Variants in HCK observed in about 807,000 individuals in gnomAD.
HCK encodes the protein HCK proto-oncogene, Src family tyrosine kinase, also known as tyrosine-protein kinase HCK.
Under a neutral mutation model 70.4 loss-of-function variants are expected in HCK, and 40 were observed. The ratio of observed to expected loss-of-function variants is 0.57; its 90% CI spans 0.44 to 0.74. The LOEUF is 0.74. Ranked by LOEUF, HCK falls within the 30% of genes least tolerant of loss-of-function variation. The probability of loss-of-function intolerance (pLI) is 0.00; values close to 1 mark genes in which losing one functional copy is unlikely to be tolerated. For missense variants in HCK, 568 were observed against 697.2 expected, an observed-to-expected ratio of 0.81 and a Z score of 2.09; for synonymous variants, 245 against 263.2, an observed-to-expected ratio of 0.93 and a Z score of 0.67.
chr20:32,092,293 T>C (rs1020602862), intron 10 of HCK, among the ~76,000 whole-genome samples: 3 of 152,174 alleles, frequency 2.0e-5, no homozygotes, highest in Non-Finnish European at 2.9e-5. Flanking sequence ...TTCCTGGTGG[T>C]GTGATCTGGA....
chr20:32,062,920 G>C (rs970860220), intron 1 of HCK, among the ~76,000 whole-genome samples: 1 of 152,170 alleles, frequency 6.6e-6, no homozygotes, highest in African/African-American at 2.4e-5. Flanking sequence ...TCTGAGAAGG[G>C]AAAGTTCCTG....
At position 32,088,543 on chromosome 20, in the gene HCK, T is replaced by C. The variant is rs554987957; in HGVS notation, c.1016-25T>C. 8 of 1,586,420 alleles carry C rather than the reference T, an allele frequency of 5.0e-6. No individual in the cohort carries two copies. The East Asian group carries it at 1.3e-4, about 27-fold the overall frequency. ...GCCATTAAATAGTAAAAGTAGTAAATGTTCCTCCCCTCTCCCCCATATAGG... is the reference window on the plus strand; with the variant it reads ...GCCATTAAATAGTAAAAGTAGTAAACGTTCCTCCCCTCTCCCCCATATAGG... On this transcript the variant is annotated intron_variant, in intron 9 of 12. Coordinates refer to ENST00000375852, the MANE Select transcript of HCK (RefSeq NM_002110.5).
At chr20:32,100,533 T>C (rs1338035202) in intron 12 of HCK, among the ~76,000 whole-genome samples, 1 of 152,196 alleles carries the variant, frequency 6.6e-6, no homozygotes, top group East Asian at 1.9e-4. Context: ...GGTCTAGGGA[T>C]AGAAATTGGA....
chr20:32,087,653 T>A (rs1474580654), intron 9 of HCK, among the ~76,000 whole-genome samples: 1 of 151,818 alleles, frequency 6.6e-6, no homozygotes, highest in African/African-American at 2.4e-5. Context: ...AAATTTTTTT[T>A]TTTTTTGAGA....
intron 5 of HCK, among the ~76,000 whole-genome samples, chr20:32,078,880 G>C (rs6087815): frequency 8.8e-6 from 1 of 113,536 alleles, no homozygotes; most frequent in East Asian, 2.3e-4. Flanking sequence ...AAAAAAAAAA[G>C]GGGGGGAATG....
intron 2 of HCK, 72 bp downstream of exon 2, chr20:32,071,854 G>A: frequency 6.4e-7 from 1 of 1,559,090 alleles, no homozygotes; most frequent in Non-Finnish European, 8.7e-7. Flanking sequence ...ACAGCCTCCT[G>A]TCTTCCCAAG....
At chr20:32,088,735 C>T in intron 10 of HCK, 91 bp downstream of exon 10, 1 of 896,948 alleles carries the variant, frequency 1.1e-6, no homozygotes, top group Non-Finnish European at 1.8e-6. Flanking sequence ...ATGATGATAG[C>T]AGTAATAATA....
chr20:32,075,450 G>A (rs776381696), intron 5 of HCK, among the ~76,000 whole-genome samples: 28 of 151,914 alleles, frequency 1.8e-4, no homozygotes, highest in East Asian at 3.9e-4. Context: ...TGATCTTCTC[G>A]CCTCAGCCTC....
Position 32,072,112 on chromosome 20 carries a change from T to C in HCK, c.183+330T>C, listed in dbSNP as rs187364972. Reference sequence around the variant, plus strand: ...ACGAGTGAACAGTAATGATAGCAGCTGAAGTGACAATGTAATGGTAGTATC... The same window carrying C: ...ACGAGTGAACAGTAATGATAGCAGCCGAAGTGACAATGTAATGGTAGTATC... On this transcript the variant is annotated intron_variant, in intron 2 of 12. Transcript: ENST00000375852. The C allele has an allele frequency of 1.7e-5, 5 of 302,062 alleles. No individual in the cohort carries two copies. The Admixed American group carries it at 2.3e-4, about 14-fold the overall frequency. The allele number at this position is 302,062 out of a possible 1,614,324, so 18.7% of individuals were successfully genotyped here. A position where few individuals can be genotyped will look rare whatever the true frequency, so the allele number is the denominator to read the frequency against.
chr20:32,088,859 T>C (rs1463225765), intron 10 of HCK, among the ~76,000 whole-genome samples: 1 of 152,198 alleles, frequency 6.6e-6, no homozygotes, highest in Non-Finnish European at 1.5e-5. Flanking sequence ...GGGATTTTTG[T>C]TATCTATTTT....
At chr20:32,094,705 AAAAGAAAGAAAGAAAGAAAG>A (rs71185377) in intron 11 of HCK, among the ~76,000 whole-genome samples, 1,013 of 74,922 alleles carry the variant, frequency 0.014, 28 homozygotes, top group East Asian at 0.057. Context: ...AAAAGAAAAG[AAAAGAAAGAAAGAAAGAAAG>A]AAAGAAAGAA....
intron 1 of HCK, among the ~76,000 whole-genome samples, chr20:32,054,517 A>G (rs2045236734): frequency 8.2e-6 from 1 of 121,398 alleles, no homozygotes; most frequent in Admixed American, 9.4e-5. Context: ...AAAAAAAAAA[A>G]AAAAAAAGCC....
Position 32,099,776 on chromosome 20 carries a change from CA to C in HCK, c.1378+642del, listed in dbSNP as rs2046008453. Among the ~76,000 whole-genome samples the C allele has an allele frequency of 2.0e-5, 3 of 152,300 alleles. No homozygotes were observed. The South Asian group carries it at 6.2e-4, about 32-fold the overall frequency. On this transcript the variant is annotated intron_variant, in intron 12 of 12. Coordinates refer to ENST00000375852, the MANE Select transcript of HCK (RefSeq NM_002110.5). The stretch of plus-strand genomic sequence containing the variant: ...CTGCATCCAGGCCAGCGTCATCTCC[CA>C]TAGATGGTGCAGCGGCATCCTCATC...
chr20:32,093,780 G>T, intron 10 of HCK, 83 bp from the exon 11 acceptor site: 3 of 1,353,912 alleles, frequency 2.2e-6, no homozygotes, highest in Admixed American at 2.4e-5. Flanking sequence ...TTCTTCACTT[G>T]AACACCTCTC....
intron 1 of HCK, chr20:32,069,890 T>G: frequency 1.8e-6 from 1 of 556,192 alleles, no homozygotes; most frequent in Non-Finnish European, 2.7e-6. Context: ...TTCTAACTGC[T>G]TTAGAAGAAA....
At position 32,083,891 on chromosome 20, in the gene HCK, C is replaced by T; in HGVS notation, c.533-3C>T. Reference sequence around the variant, plus strand: ...CTGAGGGGTTTCTCTTTGGTCAATTCAGGAAGCTACTCTTTGTCCGTGCGA... The same window carrying T: ...CTGAGGGGTTTCTCTTTGGTCAATTTAGGAAGCTACTCTTTGTCCGTGCGA... On this transcript the variant is annotated splice_region_variant and splice_polypyrimidine_tract_variant and intron_variant, in intron 6 of 12. Coordinates refer to ENST00000375852, the MANE Select transcript of HCK (RefSeq NM_002110.5). The T allele has an allele frequency of 6.2e-7, 1 of 1,614,170 alleles. No homozygotes were observed. The highest frequency in any genetic ancestry group is 1.1e-5 in the South Asian group (1 of 91,082).
intron 5 of HCK, 49 bp downstream of exon 5, chr20:32,074,770 G>GC (rs1177705736): frequency 7.4e-7 from 1 of 1,351,704 alleles, no homozygotes; most frequent in Non-Finnish European, 1.1e-6. Context: ...AGCAAAGCCA[G>GC]CCTTGTTTGC....
chr20:32,058,959 T>C (rs1387645683), intron 1 of HCK, among the ~76,000 whole-genome samples: 1 of 152,162 alleles, frequency 6.6e-6, no homozygotes, highest in Non-Finnish European at 1.5e-5. Flanking sequence ...CTCCTGGGGA[T>C]GTGATAATTC....
Position 32,094,791 on chromosome 20 carries a change from A to AGAAAG in HCK, c.1246+775_1246+776insGAAAG, listed in dbSNP as rs1569010416. Among the ~76,000 whole-genome samples, 12 of 21,758 alleles carry AGAAAG rather than the reference A, an allele frequency of 5.5e-4. 1 individual carries two copies. Among genetic ancestry groups the AGAAAG allele is most frequent in the African/African-American group, 1.1e-3 (11 of 10,268 alleles). The allele number at this position is 21,758 out of a possible 152,430, so 14.3% of individuals were successfully genotyped here. A position where few individuals can be genotyped will look rare whatever the true frequency, so the allele number is the denominator to read the frequency against. ...AAAGAAAGAAAGAGAGAGAAAGAGA[A>AGAAAG]AGAAAGAAAGAAAGAAAGAAAGAAA... On this transcript the variant is annotated intron_variant, in intron 11 of 12. Coordinates refer to ENST00000375852, the MANE Select transcript of HCK (RefSeq NM_002110.5).
Sources: allele counts gnomAD v4.1 joint callset (sites outside exome capture counted in the v4.1 genomes callset), GRCh38; gene constraint gnomAD v4.1.1; transcripts MANE v1.5; gene names NCBI Gene and HGNC (gene_info 2026-07-23, HGNC 2026-07-21).